CNOT1: variants seen among roughly 807,000 people sequenced by gnomAD.
CNOT1 encodes the protein CCR4-NOT transcription complex subunit 1, also known as CCR4-associated factor 1.
In CNOT1, 15 loss-of-function variants were observed where a neutral mutation model predicts 273.8. The observed-to-expected ratio is 0.05, with a 90% CI of 0.04 to 0.08. The LOEUF is 0.08. CNOT1 is among the 10% of genes least tolerant of loss of function. CNOT1 has a pLI of 1.00. For missense variants in CNOT1, 1,644 were observed against 2,912.2 expected, an observed-to-expected ratio of 0.56 and a Z score of 10.02; for synonymous variants, 1,022 against 1,005.5, an observed-to-expected ratio of 1.02 and a Z score of -0.31.
chr16:58,542,581 G>T lies in CNOT1; in HGVS notation c.4435-13C>A. The T allele has an allele frequency of 6.3e-7, 1 of 1,588,776 alleles. No homozygotes were observed. Among genetic ancestry groups the T allele is most frequent in the Non-Finnish European group, 8.5e-7 (1 of 1,170,052 alleles). On this transcript the variant is annotated splice_polypyrimidine_tract_variant and intron_variant, in intron 31 of 48. Transcript: ENST00000317147. ...GTGGGGAAGCAGTCTATTAATGGAG[G>T]TGGGTGGGGGGGTGGGGGGAATAGA...
chr16:58,576,316 T>C, intron 14 of CNOT1, 147 bp downstream of exon 14: 2 of 1,099,766 alleles, frequency 1.8e-6, no homozygotes, highest in Middle Eastern at 3.2e-4. Flanking sequence ...CACCATGTTT[T>C]GGTCAGGCTG....
At chr16:58,612,627 T>C (rs2042940037) in intron 1 of CNOT1, among the ~76,000 whole-genome samples, 2 of 152,134 alleles carry the variant, frequency 1.3e-5, no homozygotes. Context: ...TAATCCCAGC[T>C]ACTCAGGAGG....
intron 41 of CNOT1, 76 bp downstream of exon 41, chr16:58,532,156 T>C: frequency 6.2e-7 from 1 of 1,605,852 alleles, no homozygotes. Context: ...CTCAAAATGC[T>C]CAAGAGTTCT....
At chr16:58,599,124 A>C in intron 2 of CNOT1, 112 bp downstream of exon 2, 1 of 1,397,042 alleles carries the variant, frequency 7.2e-7, no homozygotes, top group Non-Finnish European at 9.8e-7. Flanking sequence ...ACTTGAATTA[A>C]GGGGCAAAAG....
At position 58,570,954 on chromosome 16, in the gene CNOT1, A is replaced by G. The variant is rs2041250003; in HGVS notation, c.1979+3655T>C. ...GACAAGAGATAGAAAGATTAACAGCAAAAGAGCCCTATATTATCAATAAAT... is the reference window on the plus strand; with the variant it reads ...GACAAGAGATAGAAAGATTAACAGCGAAAGAGCCCTATATTATCAATAAAT... On this transcript the variant is annotated intron_variant, in intron 16 of 48. Transcript: ENST00000317147. 2.6e-5 allele frequency among the ~76,000 whole-genome samples: 4 copies of G among 152,224 alleles called. No homozygotes were observed. The South Asian group carries it at 8.3e-4, about 32-fold the overall frequency.
In CNOT1 at chr16:58,532,334, T is replaced by C; in HGVS notation, c.5957A>G (p.Gln1986Arg). The part of the protein sequence containing the change: ...QDHDVRQSEF[Q>R]QLPYHRIFIM... ...AAAAATTCGATGGTAGGGAAGTTGC[T>C]GAAATTCACTCTGACGAACATCATG... is the stretch of plus-strand genomic sequence containing the variant. The change falls in exon 41 of 49, where the codon CAG becomes CGG. Residue 1986 changes from glutamine (Q) to arginine (R), a missense_variant. Around this residue, in one of 13 missense-constraint regions of CNOT1, gnomAD observed 133 missense variants for 328.2 expected, o/e 0.41. Transcript: ENST00000317147. The C allele has an allele frequency of 6.2e-7, 1 of 1,614,210 alleles. No individual in the cohort carries two copies. The highest frequency in any genetic ancestry group is 8.5e-7 in the Non-Finnish European group (1 of 1,180,028).
In CNOT1 at chr16:58,553,779, T is replaced by C. The variant is rs775382669; in HGVS notation, c.2970+3A>G. The C allele has an allele frequency of 6.2e-7, 1 of 1,610,768 alleles. No homozygotes were observed. The highest frequency in any genetic ancestry group is 8.5e-7 in the Non-Finnish European group (1 of 1,179,164). On this transcript the variant is annotated splice_donor_region_variant and intron_variant, in intron 22 of 48. Transcript: ENST00000317147. ...TTGGGTTTTAGTTACAGAGGGCACT[T>C]ACCTCCTGTAAATGATGTGGAAATT... is the stretch of plus-strand genomic sequence containing the variant.
At chr16:58,574,927 C>A in intron 15 of CNOT1, 80 bp downstream of exon 15, 1 of 1,576,238 alleles carries the variant, frequency 6.3e-7, no homozygotes, top group Non-Finnish European at 8.6e-7. Flanking sequence ...TACTGCTGCA[C>A]AAATTTTAAA....
intron 47 of CNOT1, chr16:58,522,868 C>G (rs1007155771): frequency 6.6e-6 from 1 of 152,240 alleles, no homozygotes; most frequent in African/African-American, 2.4e-5. Flanking sequence ...AAATGTCCAT[C>G]AGAATGAGTA....
chr16:58,623,669 T>C (rs1245355349), intron 1 of CNOT1, among the ~76,000 whole-genome samples: 1 of 152,076 alleles, frequency 6.6e-6, no homozygotes, highest in Admixed American at 6.6e-5. Flanking sequence ...TCCTCATCCA[T>C]ATCCTTTATA....
rs35633757 is a variant in CNOT1 at position 58,527,366 on chromosome 16, C to CA, written c.6453+1108dup. 1.1e-3 allele frequency among the ~76,000 whole-genome samples: 162 copies of CA among 145,622 alleles called. 3 individuals carry two copies. Among genetic ancestry groups the CA allele is most frequent in the Admixed American group, 1.8e-3 (27 of 14,686 alleles). ...TGAAACCCCGTCACTACTAAAAATA[C>CA]AAAAAAAAAAATTAGCCAGGCATGG... On this transcript the variant is annotated intron_variant, in intron 44 of 48. Coordinates refer to ENST00000317147, the MANE Select transcript of CNOT1 (RefSeq NM_016284.5).
chr16:58,571,214 T>TTA (rs1294563078), intron 16 of CNOT1, among the ~76,000 whole-genome samples: 1 of 152,140 alleles, frequency 6.6e-6, no homozygotes, highest in Non-Finnish European at 1.5e-5. Context: ...AAAAAACTGT[T>TTA]AATAGAGACA....
At chr16:58,613,337 G>T (rs558771468) in intron 1 of CNOT1, among the ~76,000 whole-genome samples, 1 of 126,942 alleles carries the variant, frequency 7.9e-6, no homozygotes, top group African/African-American at 2.6e-5. Context: ...TGGCTTAGAG[G>T]TTAAGTCTAA....
chr16:58,597,646 CAA>C (rs2042311453), intron 2 of CNOT1: 2 of 459,264 alleles, frequency 4.4e-6, no homozygotes, highest in Non-Finnish European at 8.5e-6. Context: ...GATGCTATGC[CAA>C]AGAGGAAAGT....
chr16:58,562,518 T>TA (rs200060446), intron 16 of CNOT1, among the ~76,000 whole-genome samples: 66 of 114,652 alleles, frequency 5.8e-4, no homozygotes, highest in East Asian at 3.3e-3. Context: ...AAAAATAAAT[T>TA]AAAAAAAAAA....
chr16:58,531,841 T>C, intron 42 of CNOT1, 117 bp downstream of exon 42: 1 of 1,258,986 alleles, frequency 7.9e-7, no homozygotes, highest in Non-Finnish European at 1.1e-6. Flanking sequence ...CATTCCCAAC[T>C]AAGTTTGGAA....
intron 2 of CNOT1, among the ~76,000 whole-genome samples, chr16:58,596,107 CAGCACCTG>C (rs1282139713): frequency 6.6e-6 from 1 of 152,174 alleles, no homozygotes; most frequent in Non-Finnish European, 1.5e-5. Flanking sequence ...TAAACACTGA[CAGCACCTG>C]TGTGCAAGGC....
chr16:58,537,168 G>T lies in CNOT1; in HGVS notation c.5467C>A (p.Arg1823Ser). 6.2e-7 allele frequency: 1 copy of T among 1,613,702 alleles called. No homozygotes were observed. Among genetic ancestry groups the T allele is most frequent in the Non-Finnish European group, 8.5e-7 (1 of 1,179,748 alleles). Reference protein sequence around the residue: ...VRSNYEAMIDRAHGGPNFMMH... With the variant: ...VRSNYEAMIDSAHGGPNFMMH... ...ATAAAGTTTGGGCCTCCATGAGCACGATCAATCATTGCTTCATAGTTGGAT... is the reference window on the plus strand; with the variant it reads ...ATAAAGTTTGGGCCTCCATGAGCACTATCAATCATTGCTTCATAGTTGGAT... The change falls in exon 39 of 49, where the codon CGT becomes AGT. Residue 1823 changes from arginine to serine, a missense_variant. Transcript: ENST00000317147.
intron 8 of CNOT1, 30 bp from the exon 9 acceptor site, chr16:58,583,212 G>T (rs1454768244): frequency 1.2e-6 from 2 of 1,607,942 alleles, no homozygotes; most frequent in Non-Finnish European, 1.7e-6. Flanking sequence ...TCAGAAAAAT[G>T]CTACCAGCCT....
Sources: gnomAD v4.1 joint callset for allele counts (sites outside exome capture counted in the v4.1 genomes callset) on GRCh38, gnomAD v4.1.1 for gene constraint, gnomAD v4.1.1 regional missense constraint, MANE v1.5 for transcripts, NCBI Gene and HGNC (gene_info 2026-07-23, HGNC 2026-07-21) for gene names.